The following CCDC14 variants were observed in gnomAD, a reference collection of about 807,000 sequenced individuals.
CCDC14 encodes coiled-coil domain-containing protein 14.
CCDC14 carries 71 observed loss-of-function variants against 81.4 expected under a neutral mutation model. The observed-to-expected ratio is 0.87, with a 90% CI of 0.72 to 1.06. The LOEUF (loss-of-function observed/expected upper bound fraction) is 1.06. CCDC14 is among the 50% of genes least tolerant of loss of function. The pLI, the probability that CCDC14 is intolerant of heterozygous loss-of-function variation, is 0.00. For missense variants in CCDC14, 1,046 were observed against 1,047.3 expected (o/e 1.00, Z 0.02); for synonymous variants, 332 against 364.8 (o/e 0.91, Z 1.03).
At chr3:123,941,861 G>A (rs2036367608) in intron 9 of CCDC14, among the ~76,000 whole-genome samples, 1 of 151,974 alleles carries the variant, frequency 6.6e-6, no homozygotes, top group Non-Finnish European at 1.5e-5. Flanking sequence ...ATTTAAAAAT[G>A]TTCTAAGGAA....
intron 12 of CCDC14, among the ~76,000 whole-genome samples, chr3:123,929,281 AAC>A (rs1448232625): frequency 2.0e-5 from 3 of 151,982 alleles, no homozygotes; most frequent in African/African-American, 4.8e-5. Context: ...TTTACAAAAT[AAC>A]AGTTTATTGA....
intron 9 of CCDC14, among the ~76,000 whole-genome samples, chr3:123,938,630 T>C (rs2036184829): frequency 6.6e-6 from 1 of 151,952 alleles, no homozygotes; most frequent in Non-Finnish European, 1.5e-5. Flanking sequence ...GTCTAGCACA[T>C]TGTTAAACAG....
intron 1 of CCDC14, among the ~76,000 whole-genome samples, chr3:123,959,377 T>C (rs1460014134): frequency 6.6e-6 from 1 of 152,226 alleles, no homozygotes; most frequent in Non-Finnish European, 1.5e-5. Flanking sequence ...ATTTCCTGGA[T>C]TAGTGATGTT....
At position 123,915,109 on chromosome 3, in the gene CCDC14, T is replaced by C. The variant is rs2034580831; in HGVS notation, c.2388A>G (p.Lys796=). The C allele has an allele frequency of 6.2e-7, 1 of 1,613,786 alleles. No homozygotes were observed. The highest frequency in any genetic ancestry group is 1.1e-5 in the South Asian group (1 of 91,074). The change falls in exon 13 of 13, where the codon AAA becomes AAG. Residue 796 remains lysine (K), a synonymous_variant. Transcript: ENST00000409697. The part of the protein sequence containing the change: ...STKEAEDAPE[K]LSRASDMKDT... ...CCTTCATATCAGATGCTCTGGAAAGTTTTTCAGGTGCATCTTCTGCTTCCT... is the reference window on the plus strand; with the variant it reads ...CCTTCATATCAGATGCTCTGGAAAGCTTTTCAGGTGCATCTTCTGCTTCCT...
At position 123,956,042 on chromosome 3, in the gene CCDC14, A is replaced by C; in HGVS notation, c.229+4T>G. ...TGATCAGCAAAGAATTAAAAAAAAA[A>C]AACCTGAATCTTCATTTCTCAAAAT... On this transcript the variant is annotated splice_donor_region_variant and intron_variant, in intron 4 of 12. Transcript: ENST00000409697. 1 of 1,542,234 alleles carries C rather than the reference A, an allele frequency of 6.5e-7. No homozygotes were observed. Among genetic ancestry groups the C allele is most frequent in the East Asian group, 2.5e-5 (1 of 40,796 alleles).
rs143564119 is a variant in CCDC14, at chr3:123,939,619, A to G, written c.1343+5230T>C. On this transcript the variant is annotated intron_variant, in intron 9 of 12. Coordinates refer to ENST00000409697, the MANE Select transcript of CCDC14 (RefSeq NM_001366335.1). Reference sequence around the variant, plus strand: ...AATTTATATCTATTTTCTTTTTCATATGTATTATCTTCTTCATAATAATTT... The same window carrying G: ...AATTTATATCTATTTTCTTTTTCATGTGTATTATCTTCTTCATAATAATTT... Among the ~76,000 whole-genome samples, 929 of 151,520 alleles carry G rather than the reference A, an allele frequency of 6.1e-3. 6 individuals carry two copies. The highest frequency in any genetic ancestry group is 0.02 in the African/African-American group (831 of 41,364).
intron 9 of CCDC14, among the ~76,000 whole-genome samples, chr3:123,939,275 C>T (rs2036218995): frequency 6.6e-6 from 1 of 151,644 alleles, no homozygotes; most frequent in African/African-American, 2.4e-5. Flanking sequence ...CTGGAGATAG[C>T]CTAAAATTTT....
chr3:123,956,811 T>C lies in CCDC14; in HGVS notation c.31-16A>G, dbSNP rs772787083. Reference sequence around the variant, plus strand: ...AAGATAACACCTATGACATAATATATTATAGCAGATAAACAAATATTTTTC... The same window carrying C: ...AAGATAACACCTATGACATAATATACTATAGCAGATAAACAAATATTTTTC... On this transcript the variant is annotated splice_polypyrimidine_tract_variant and intron_variant, in intron 1 of 12. Coordinates refer to ENST00000409697, the MANE Select transcript of CCDC14 (RefSeq NM_001366335.1). The C allele has an allele frequency of 2.1e-5, 30 of 1,441,716 alleles. No individual in the cohort carries two copies. The highest frequency in any genetic ancestry group is 2.7e-5 in the Non-Finnish European group (29 of 1,066,318). 89.3% of individuals were successfully genotyped at this position (1,441,716 alleles called of 1,614,324 possible).
At chr3:123,944,415 C>A (rs2036520503) in intron 9 of CCDC14, among the ~76,000 whole-genome samples, 1 of 152,112 alleles carries the variant, frequency 6.6e-6, no homozygotes. Flanking sequence ...ACAACACATA[C>A]TGAGACAGTG....
At position 123,904,250 on chromosome 3, in the gene CCDC14, C is replaced by A. The variant is rs548450542; in HGVS notation, c.668-6637G>T. ...AAATACAGAAAAGTTACATATGATC[C>A]CATTTTTGTGAAACAACGACCAGCT... On this transcript the variant is annotated intron_variant, in intron 5 of 5. Transcript: ENST00000479903. 2.4e-4 allele frequency among the ~76,000 whole-genome samples: 36 copies of A among 151,978 alleles called. 1 individual carries two copies. The South Asian group carries it at 7.5e-3, about 32-fold the overall frequency.
At chr3:123,923,743 A>T (rs2035187326) in intron 12 of CCDC14, among the ~76,000 whole-genome samples, 1 of 150,944 alleles carries the variant, frequency 6.6e-6, no homozygotes, top group Non-Finnish European at 1.5e-5. Flanking sequence ...ATATATACAT[A>T]TATTATTAGT....
chr3:123,889,593 C>A, the CCDC14 span, among the ~76,000 whole-genome samples: 1 of 152,252 alleles, frequency 6.6e-6, no homozygotes, highest in African/African-American at 2.4e-5. Context: ...AGCTCCACCC[C>A]AGTGGGTCTG....
chr3:123,960,790 G>A (rs1490613353), intron 1 of CCDC14, among the ~76,000 whole-genome samples: 2 of 152,140 alleles, frequency 1.3e-5, no homozygotes, highest in South Asian at 2.1e-4. Flanking sequence ...TTGCAGCTAA[G>A]GAATAGGAAG....
At chr3:123,943,333 A>G (rs1024187719) in intron 9 of CCDC14, among the ~76,000 whole-genome samples, 2 of 152,036 alleles carry the variant, frequency 1.3e-5, no homozygotes, top group African/African-American at 4.8e-5. Context: ...GTTTGTTAAT[A>G]TTCAGGTACT....
At chr3:123,925,024 T>C (rs1280730543) in intron 12 of CCDC14, among the ~76,000 whole-genome samples, 1 of 151,838 alleles carries the variant, frequency 6.6e-6, no homozygotes, top group Non-Finnish European at 1.5e-5. Flanking sequence ...TGTAGCATTA[T>C]TCACAATAGC....
At chr3:123,928,613 T>C (rs1346415821) in intron 12 of CCDC14, among the ~76,000 whole-genome samples, 1 of 152,216 alleles carries the variant, frequency 6.6e-6, no homozygotes, top group Non-Finnish European at 1.5e-5. Flanking sequence ...CTAAAAGTAA[T>C]TAAATATTTT....
chr3:123,897,572 G>A (rs1466591201), exon 6 of CCDC14: 11 of 1,198,570 alleles, frequency 9.2e-6, no homozygotes, highest in Non-Finnish European at 1.2e-5. Context: ...GGGCTTTTGT[G>A]TAAGACTTTG....
rs975729356 is a variant in CCDC14 at position 123,914,516 on chromosome 3, T to C, written c.*263A>G. 2.7e-5 allele frequency: 29 copies of C among 1,084,592 alleles called. No individual in the cohort carries two copies. The Middle Eastern group carries it at 1.2e-3, about 46-fold the overall frequency. The allele number at this position is 1,084,592 out of a possible 1,614,324, so 67.2% of individuals were successfully genotyped here. ...ATACATCTTAATAAAAGAACTCTAA[T>C]TGCTAAGTACTGAAATAAAACATTA... is the stretch of plus-strand genomic sequence containing the variant. On this transcript the variant is annotated 3_prime_UTR_variant, in exon 13 of 13. Coordinates refer to ENST00000409697, the MANE Select transcript of CCDC14 (RefSeq NM_001366335.1).
At chr3:123,892,947 G>T (rs767483202), downstream of CCDC14, among the ~76,000 whole-genome samples, 1 of 151,870 alleles carries the variant, frequency 6.6e-6, no homozygotes, top group Non-Finnish European at 1.5e-5. Context: ...TGGGACTATA[G>T]GTGCGTGCCA....
Sources: gnomAD v4.1 joint callset for allele counts (sites outside exome capture counted in the v4.1 genomes callset) on GRCh38, gnomAD v4.1.1 for gene constraint, MANE v1.5 for transcripts, NCBI Gene and HGNC (gene_info 2026-07-23, HGNC 2026-07-21) for gene names.